The following RYR3 variants were observed in gnomAD, a reference collection of about 807,000 sequenced individuals.
The protein encoded by RYR3 is brain ryanodine receptor-calcium release channel.
A neutral mutation model predicts 584.3 loss-of-function variants in RYR3; 207 were observed. The observed-to-expected ratio is 0.35, with a 90% CI of 0.32 to 0.40. The LOEUF is 0.40. Ranked by LOEUF, RYR3 falls within the 10% of genes least tolerant of loss-of-function variation. RYR3 has a pLI of 1.00. For missense variants in RYR3, 5,616 were observed against 6,089.2 expected (o/e 0.92, Z 2.59); for synonymous variants, 2,416 against 2,248.5 (o/e 1.07, Z -2.11).
chr15:33,398,923 C>T (rs1395453259), intron 1 of RYR3, among the ~76,000 whole-genome samples: 4 of 152,138 alleles, frequency 2.6e-5, no homozygotes, highest in Admixed American at 2.0e-4. Flanking sequence ...CAGGGCGTGC[C>T]GAGAATGAGC....
At chr15:33,454,193 A>G (rs1398324520) in intron 1 of RYR3, among the ~76,000 whole-genome samples, 6 of 152,224 alleles carry the variant, frequency 3.9e-5, no homozygotes, top group Non-Finnish European at 8.8e-5. Flanking sequence ...TCCAGTAAAG[A>G]GAGAAATTGA....
Position 33,649,191 on chromosome 15 carries a change from A to C in RYR3, c.4098A>C (p.Thr1366=), listed in dbSNP as rs761876594. The C allele has an allele frequency of 1.9e-5, 30 of 1,613,656 alleles. No homozygotes were observed. The highest frequency in any genetic ancestry group is 2.1e-5 in the Non-Finnish European group (25 of 1,179,878). ...SEKFDLNKNC[T]VTVTLGDERG... ...AGTTTGACCTGAATAAAAACTGCAC[A>C]GTGACTGTCACCCTAGGGGATGAAA... Residue 1366 remains threonine, a synonymous_variant, in exon 31 of 104, where the codon ACA becomes ACC. Transcript: ENST00000634891.
At chr15:33,622,136 G>T (rs189997317) in intron 19 of RYR3, among the ~76,000 whole-genome samples, 3 of 152,116 alleles carry the variant, frequency 2.0e-5, no homozygotes, top group Non-Finnish European at 2.9e-5. Flanking sequence ...TGCATAGGGC[G>T]ACTAGGAGAA....
At chr15:33,663,228 C>CT (rs1455675012) in intron 35 of RYR3, among the ~76,000 whole-genome samples, 2 of 152,160 alleles carry the variant, frequency 1.3e-5, no homozygotes, top group African/African-American at 4.8e-5. Flanking sequence ...TCCTCCAGGA[C>CT]TGGAACATTT....
intron 69 of RYR3, among the ~76,000 whole-genome samples, chr15:33,806,027 G>A (rs934430436): frequency 1.3e-5 from 2 of 148,866 alleles, no homozygotes; most frequent in African/African-American, 5.0e-5. Context: ...CTCTTGCTTC[G>A]CATTCTCAGA....
intron 27 of RYR3, among the ~76,000 whole-genome samples, chr15:33,642,881 G>C (rs1458757256): frequency 6.6e-6 from 1 of 152,174 alleles, no homozygotes; most frequent in Non-Finnish European, 1.5e-5. Flanking sequence ...CTGCCATTTT[G>C]CTAGGACTGC....
At position 33,818,675 on chromosome 15, in the gene RYR3, C is replaced by T. The variant is rs373357553; in HGVS notation, c.10697C>T (p.Thr3566Met). The change falls in exon 76 of 104, where the codon ACG (threonine) becomes ATG (methionine). Residue 3566 changes from threonine to methionine, a missense_variant. Thr to Met is a moderately conservative substitution (Grantham distance 81, BLOSUM62 -1). Coordinates refer to ENST00000634891, the MANE Select transcript of RYR3 (RefSeq NM_001036.6). ...CTCTATTTTAGCCGCAACGCTCTCA[C>T]GGAGAGGAGGTCAGAACCACCAGCT... is the stretch of plus-strand genomic sequence containing the variant. Reference protein sequence around the residue: ...IILYFSRNALTERSKLEDDPL... With the variant: ...IILYFSRNALMERSKLEDDPL... The T allele has an allele frequency of 6.5e-5, 105 of 1,613,102 alleles. No individual in the cohort carries two copies. The highest frequency in any genetic ancestry group is 8.0e-5 in the Non-Finnish European group (94 of 1,179,478).
chr15:33,505,536 G>A (rs570405792), intron 3 of RYR3, among the ~76,000 whole-genome samples: 3 of 152,328 alleles, frequency 2.0e-5, no homozygotes, highest in African/African-American at 7.2e-5. Context: ...CTGTCGCCCA[G>A]GCTGGAGTGC....
chr15:33,735,332 C>T (rs2069349754), intron 48 of RYR3, among the ~76,000 whole-genome samples: 1 of 152,250 alleles, frequency 6.6e-6, no homozygotes, highest in Non-Finnish European at 1.5e-5. Context: ...AGGCCAGCTC[C>T]AGAAACAGTT....
At chr15:33,507,222 G>A (rs923265833) in intron 3 of RYR3, among the ~76,000 whole-genome samples, 23 of 152,304 alleles carry the variant, frequency 1.5e-4, no homozygotes, top group African/African-American at 5.5e-4. Flanking sequence ...TTACAATTCT[G>A]CAGCAATTTC....
intron 49 of RYR3, 48 bp downstream of exon 49, chr15:33,736,373 T>C: frequency 7.5e-7 from 1 of 1,339,078 alleles, no homozygotes; most frequent in Non-Finnish European, 1.1e-6. Flanking sequence ...CACAGGAAAC[T>C]TGCCTTGTAA....
intron 19 of RYR3, among the ~76,000 whole-genome samples, chr15:33,619,568 A>G (rs1470790967): frequency 6.6e-6 from 1 of 152,214 alleles, no homozygotes; most frequent in East Asian, 1.9e-4. Flanking sequence ...TGCTCTGGAG[A>G]AGTTCTCGGG....
chr15:33,471,281 G>C (rs1308736722), intron 1 of RYR3, among the ~76,000 whole-genome samples: 1 of 152,186 alleles, frequency 6.6e-6, no homozygotes, highest in Non-Finnish European at 1.5e-5. Flanking sequence ...ATTTGGCCCA[G>C]AGTCCCATAC....
In RYR3 at chr15:33,646,491, C is replaced by G. The variant is rs1360254961; in HGVS notation, c.3906C>G (p.His1302Gln). The G allele has an allele frequency of 6.2e-7, 1 of 1,613,802 alleles. No individual in the cohort carries two copies. The highest frequency in any genetic ancestry group is 1.7e-5 in the Admixed American group (1 of 60,016). The part of the protein sequence containing the change: ...MPVECHSSFS[H>Q]SPCLDSEAFQ... ...TCGAGTGCCACTCCTCCTTCAGCCA[C>G]AGCCCCTGTCTGGACAGTGAAGCTT... The change falls in exon 29 of 104, where the codon CAC (histidine) becomes CAG (glutamine). Residue 1302 changes from histidine to glutamine, a missense_variant. His to Gln is a conservative substitution (Grantham distance 24, BLOSUM62 0). Around this residue, in one of 9 missense-constraint regions of RYR3, gnomAD observed 753 missense variants for 741.0 expected, o/e 1.02. Coordinates refer to ENST00000634891, the MANE Select transcript of RYR3 (RefSeq NM_001036.6).
intron 1 of RYR3, among the ~76,000 whole-genome samples, chr15:33,348,814 T>C (rs1231234285): frequency 6.6e-6 from 1 of 152,164 alleles, no homozygotes; most frequent in Admixed American, 6.5e-5. Flanking sequence ...TAAGTTTCAC[T>C]CTGTGCTGTG....
rs1971050248 is a variant in RYR3 at position 33,336,475 on chromosome 15, AGAGAGAGAG to A, written c.51+25380_51+25388del. On this transcript the variant is annotated intron_variant, in intron 1 of 103. Transcript: ENST00000634891. ...GAGAGAGAGAGAGAGAGAGAGAGAG[AGAGAGAGAG>A]AGAAAGAAAGAAAGAAAGAAGGAGG... is the stretch of plus-strand genomic sequence containing the variant. 7.1e-5 allele frequency among the ~76,000 whole-genome samples: 3 copies of A among 42,304 alleles called. 1 individual carries two copies. Among genetic ancestry groups the A allele is most frequent in the African/African-American group, 4.4e-4 (2 of 4,578 alleles). The allele number at this position is 42,304 out of a possible 152,430, so 27.8% of individuals were successfully genotyped here.
Position 33,419,936 on chromosome 15 carries a change from T to C in RYR3, c.52-53483T>C, listed in dbSNP as rs763617047. On this transcript the variant is annotated intron_variant, in intron 1 of 103. Coordinates refer to ENST00000634891, the MANE Select transcript of RYR3 (RefSeq NM_001036.6). ...GCAGCGTATGCTTCAGCTCAGAATATATGCCAAGCACACTTGAGAACTTTC... is the reference window on the plus strand; with the variant it reads ...GCAGCGTATGCTTCAGCTCAGAATACATGCCAAGCACACTTGAGAACTTTC... Among the ~76,000 whole-genome samples, 4 of 152,294 alleles carry C rather than the reference T, an allele frequency of 2.6e-5. No homozygotes were observed. The East Asian group carries it at 7.7e-4, about 29-fold the overall frequency.
At chr15:33,342,734 C>T (rs957040395) in intron 1 of RYR3, among the ~76,000 whole-genome samples, 10 of 152,140 alleles carry the variant, frequency 6.6e-5, no homozygotes, top group African/African-American at 2.4e-4. Flanking sequence ...AGTTCTGGTC[C>T]CCACTGCTCT....
chr15:33,612,424 G>C (rs56366405), intron 18 of RYR3, among the ~76,000 whole-genome samples: 6 of 152,156 alleles, frequency 3.9e-5, no homozygotes, highest in African/African-American at 1.2e-4. Flanking sequence ...GCAATGGCAC[G>C]GTCTCGGCTC....
Sources: gnomAD v4.1 joint callset for allele counts (sites outside exome capture counted in the v4.1 genomes callset) on GRCh38, gnomAD v4.1.1 for gene constraint, gnomAD v4.1.1 regional missense constraint, MANE v1.5 for transcripts, NCBI Gene and HGNC (gene_info 2026-07-23, HGNC 2026-07-21) for gene names.